Variants in ATAD2B observed in about 807,000 individuals in gnomAD.
ATAD2B encodes ATPase family AAA domain-containing protein 2B.
A neutral mutation model predicts 167.6 loss-of-function variants in ATAD2B; 40 were observed. That is an observed-to-expected ratio of 0.24 (90% CI 0.19 to 0.31). ATAD2B has a LOEUF of 0.31. Among genes scored for constraint, ATAD2B ranks in the 10% least tolerant of loss-of-function variants. The pLI is 1.00. For synonymous variants in ATAD2B, 579 were observed against 596.5 expected, an observed-to-expected ratio of 0.97 and a Z score of 0.43; for missense variants, 1,242 against 1,757.2, an observed-to-expected ratio of 0.71 and a Z score of 5.24.
At position 23,864,909 on chromosome 2, in the gene ATAD2B, T is replaced by C. The variant is rs561955592; in HGVS notation, c.1204A>G (p.Ile402Val). The change falls in exon 11 of 28, where the codon ATA becomes GTA. Residue 402 changes from isoleucine (I) to valine (V), a missense_variant. Ile to Val is a conservative substitution (Grantham distance 29). Around this residue, in one of 9 missense-constraint regions of ATAD2B, gnomAD observed 127 missense variants for 146.3 expected, o/e 0.87. Transcript: ENST00000238789. ...TGAATATGATGGCTCAATCCACCTATGCTATCAAACCGTACCTTGGAAAGA... is the reference window on the plus strand; with the variant it reads ...TGAATATGATGGCTCAATCCACCTACGCTATCAAACCGTACCTTGGAAAGA... Reference protein sequence around the residue: ...NIDKSVRFDSIGGLSHHIHAL... With the variant: ...NIDKSVRFDSVGGLSHHIHAL... 48 of 1,591,644 alleles carry C rather than the reference T, an allele frequency of 3.0e-5. No individual in the cohort carries two copies. Among genetic ancestry groups the C allele is most frequent in the South Asian group, 2.1e-4 (18 of 85,556 alleles).
At chr2:23,693,217 G>A in the ATAD2B span, 9 of 1,507,314 alleles carry the variant, frequency 6.0e-6, no homozygotes, top group Non-Finnish European at 7.1e-6. Flanking sequence ...GGGAACAGGT[G>A]GCAACTGCTT....
chr2:23,872,708 G>A, intron 8 of ATAD2B: 1 of 1,211,982 alleles, frequency 8.3e-7, no homozygotes, highest in Non-Finnish European at 1.2e-6. Context: ...AGCAGTTTCT[G>A]CTTTACTGAG....
At chr2:23,874,296 A>G (rs1458437019) in intron 8 of ATAD2B, among the ~76,000 whole-genome samples, 1 of 152,234 alleles carries the variant, frequency 6.6e-6, no homozygotes, top group African/African-American at 2.4e-5. Context: ...CATAACAGCT[A>G]AAACTATAAA....
At chr2:23,696,272 C>A in the ATAD2B span, 1 of 1,515,176 alleles carries the variant, frequency 6.6e-7, no homozygotes, top group Non-Finnish European at 9.0e-7. This position sits in a 1 kb window ranked among gnomAD's most constrained non-coding sequence, Gnocchi z 5.5. Context: ...GGGGCTGGGC[C>A]TGCTGACCCC....
rs1199639528 is a variant in ATAD2B at position 23,757,558 on chromosome 2, T to C, written c.3938A>G (p.Gln1313Arg). The C allele has an allele frequency of 1.9e-6, 3 of 1,602,320 alleles. No individual in the cohort carries two copies. Among genetic ancestry groups the C allele is most frequent in the Non-Finnish European group, 2.5e-6 (3 of 1,176,866 alleles). Residue 1313 changes from glutamine (Q) to arginine (R), a missense_variant, in exon 25 of 28, where the codon CAG (glutamine) becomes CGG (arginine). Coordinates refer to ENST00000238789, the MANE Select transcript of ATAD2B (RefSeq NM_017552.4). ...CGAAGTTTCTGGTTTTTCTTTTGACTGGTCCTCCAGAAGAATCTTTTGTTC... is the reference window on the plus strand; with the variant it reads ...CGAAGTTTCTGGTTTTTCTTTTGACCGGTCCTCCAGAAGAATCTTTTGTTC... ...SSEQKILLED[Q>R]SKEKPETSTE... is the part of the protein sequence containing the mutation.
the ATAD2B span, among the ~76,000 whole-genome samples, chr2:23,682,763 C>T: frequency 1.3e-5 from 2 of 152,150 alleles, no homozygotes; most frequent in Non-Finnish European, 2.9e-5. This position sits in a 1 kb window ranked among gnomAD's most constrained non-coding sequence, Gnocchi z 4.1. Flanking sequence ...CCCCTTGCTC[C>T]GGGTCTGAGC....
In ATAD2B at chr2:23,907,002, GC is replaced by G. The variant is rs745543941; in HGVS notation, c.217-11033del. 2.8e-4 allele frequency among the ~76,000 whole-genome samples: 42 copies of G among 149,876 alleles called. 1 individual carries two copies. In the East Asian group the frequency reaches 5.6e-3, roughly 20 times the overall value. ...AAGAGCTATATATGACACACTCACA[GC>G]CAATATCATACCGAATGGGCAAAAA... On this transcript the variant is annotated intron_variant, in intron 1 of 27. Coordinates refer to ENST00000238789, the MANE Select transcript of ATAD2B (RefSeq NM_017552.4).
chr2:23,894,133 T>C (rs2150350392), intron 2 of ATAD2B, among the ~76,000 whole-genome samples: 1 of 152,266 alleles, frequency 6.6e-6, no homozygotes, highest in African/African-American at 2.4e-5. Context: ...AATGGAAGCA[T>C]ATCTTTCATA....
At chr2:23,691,624 C>T in the ATAD2B span, 5 of 1,490,464 alleles carry the variant, frequency 3.4e-6, no homozygotes, top group Non-Finnish European at 3.7e-6. Context: ...GAGGAAGCGG[C>T]ACGGTGGCCG....
the ATAD2B span, among the ~76,000 whole-genome samples, chr2:23,713,413 T>A: frequency 3.0e-3 from 455 of 151,344 alleles, 4 homozygotes; most frequent in East Asian, 0.01. Context: ...TTTTTTTTTT[T>A]AAGTAACAGC....
intron 4 of ATAD2B, 74 bp from the exon 5 acceptor site, chr2:23,885,903 G>A (rs1698598821): frequency 1.1e-6 from 1 of 873,898 alleles, no homozygotes; most frequent in Non-Finnish European, 1.7e-6. Flanking sequence ...TTGTGAAAGT[G>A]TAATCAAATC....
At chr2:23,775,787 C>G (rs182567222) in intron 22 of ATAD2B, among the ~76,000 whole-genome samples, 1 of 152,168 alleles carries the variant, frequency 6.6e-6, no homozygotes, top group African/African-American at 2.4e-5. Flanking sequence ...ATCTCATTCA[C>G]TCCTCTACGA....
In ATAD2B at chr2:23,926,626, G is replaced by A. The variant is rs1573501502; in HGVS notation, c.145C>T (p.Arg49Cys). The change falls in exon 1 of 28, where the codon CGC (arginine) becomes TGC (cysteine). Residue 49 changes from arginine (R) to cysteine (C), a missense_variant. Coordinates refer to ENST00000238789, the MANE Select transcript of ATAD2B (RefSeq NM_017552.4). ...ISSRTRSSKT[R>C]AASCPAAKAG... is the part of the protein sequence containing the mutation. Reference sequence around the variant, plus strand: ...TTGGCGGCGGGGCAGCTGGCGGCGCGGGTCTTGGAGGAGCGGGTCCGAGAG... The same window carrying A: ...TTGGCGGCGGGGCAGCTGGCGGCGCAGGTCTTGGAGGAGCGGGTCCGAGAG... 5 of 1,564,152 alleles carry A rather than the reference G, an allele frequency of 3.2e-6. No individual in the cohort carries two copies. Among genetic ancestry groups the A allele is most frequent in the East Asian group, 2.4e-5 (1 of 41,970 alleles).
intron 1 of ATAD2B, among the ~76,000 whole-genome samples, chr2:23,918,576 C>T (rs914943636): frequency 6.6e-6 from 1 of 152,128 alleles, no homozygotes; most frequent in African/African-American, 2.4e-5. Flanking sequence ...AAATTATTGT[C>T]CTATATTTCA....
intron 12 of ATAD2B, among the ~76,000 whole-genome samples, chr2:23,858,874 T>C (rs897653072): frequency 6.6e-6 from 1 of 152,204 alleles, no homozygotes; most frequent in African/African-American, 2.4e-5. Flanking sequence ...CTTAGGCTGT[T>C]TTCAATATTT....
chr2:23,678,418 C>T, the ATAD2B span, among the ~76,000 whole-genome samples: 317 of 152,298 alleles, frequency 2.1e-3, 1 homozygote, highest in Non-Finnish European at 3.2e-3. Context: ...ACTCACTCTC[C>T]GGGGACCCCT....
At chr2:23,677,994 C>T in the ATAD2B span, among the ~76,000 whole-genome samples, 3 of 152,198 alleles carry the variant, frequency 2.0e-5, no homozygotes, top group African/African-American at 7.2e-5. Context: ...ATTTAATGGA[C>T]TTCTCTGCTG....
chr2:23,739,505 G>A, the ATAD2B span, among the ~76,000 whole-genome samples: 1 of 152,040 alleles, frequency 6.6e-6, no homozygotes, highest in Non-Finnish European at 1.5e-5. Flanking sequence ...AAACCAACGA[G>A]AACAAAGACA....
intron 1 of ATAD2B, among the ~76,000 whole-genome samples, chr2:23,906,820 A>G (rs946588184): frequency 7.2e-5 from 11 of 152,130 alleles, no homozygotes; most frequent in Non-Finnish European, 1.5e-4. Context: ...AATACACGCA[A>G]ATCAATAAAT....
Sources: gnomAD v4.1 joint callset for allele counts (sites outside exome capture counted in the v4.1 genomes callset) on GRCh38, gnomAD v4.1.1 for gene constraint, gnomAD v4.1.1 regional missense constraint, Gnocchi (gnomAD v3.1) non-coding constraint, MANE v1.5 for transcripts, NCBI Gene and HGNC (gene_info 2026-07-23, HGNC 2026-07-21) for gene names.